CAMK4: variants seen among roughly 807,000 people sequenced by gnomAD.
CAMK4 encodes calcium/calmodulin dependent protein kinase IV, also known as calcium/calmodulin-dependent protein kinase type IV.
In CAMK4, 22 loss-of-function variants were observed where a neutral mutation model predicts 44.9. The observed-to-expected ratio is 0.49, with a 90% CI of 0.35 to 0.70. The LOEUF (loss-of-function observed/expected upper bound fraction) is 0.70. Ranked by LOEUF, CAMK4 falls within the 30% of genes least tolerant of loss-of-function variation. The pLI is 0.01. For missense variants in CAMK4, 498 were observed against 586.8 expected (o/e 0.85, Z 1.56); for synonymous variants, 218 against 215.4 (o/e 1.01, Z -0.11).
chr5:111,420,348 A>G (rs1234904131), intron 5 of CAMK4, among the ~76,000 whole-genome samples: 4 of 152,144 alleles, frequency 2.6e-5, no homozygotes, highest in East Asian at 1.9e-4. Flanking sequence ...GGGTGAGACA[A>G]TGGGGTTTTC....
chr5:111,352,807 C>A (rs1277152915), intron 2 of CAMK4, among the ~76,000 whole-genome samples: 2 of 152,068 alleles, frequency 1.3e-5, no homozygotes, highest in African/African-American at 4.8e-5. Flanking sequence ...AAACACCTCC[C>A]TTTAGGCCCC....
At chr5:111,313,365 T>A (rs905030595) in intron 1 of CAMK4, among the ~76,000 whole-genome samples, 3 of 152,156 alleles carry the variant, frequency 2.0e-5, no homozygotes, top group African/African-American at 7.2e-5. Flanking sequence ...TTTCCCTCTA[T>A]TGAACGGTCT....
intron 2 of CAMK4, among the ~76,000 whole-genome samples, chr5:111,355,150 A>C (rs762591906): frequency 3.9e-5 from 6 of 152,094 alleles, no homozygotes; most frequent in Non-Finnish European, 8.8e-5. Context: ...CTCAGAACAC[A>C]TTAAGGAAAG....
At chr5:111,476,348 C>T (rs1267639860) in intron 8 of CAMK4, among the ~76,000 whole-genome samples, 7 of 151,712 alleles carry the variant, frequency 4.6e-5, no homozygotes, top group South Asian at 2.1e-4. Flanking sequence ...GGCGTGATCT[C>T]GGCTCACTGC....
chr5:111,308,318 A>G (rs571777189), intron 1 of CAMK4, among the ~76,000 whole-genome samples: 50 of 152,340 alleles, frequency 3.3e-4, no homozygotes, highest in African/African-American at 1.2e-3. Flanking sequence ...ATTAACTAAT[A>G]AAATATGAGC....
chr5:111,407,362 G>T (rs371296138), intron 5 of CAMK4, among the ~76,000 whole-genome samples: 2 of 133,218 alleles, frequency 1.5e-5, no homozygotes, highest in Non-Finnish European at 3.2e-5. Context: ...AAAAAAAAAA[G>T]AAAAGAAAAA....
intron 5 of CAMK4, among the ~76,000 whole-genome samples, chr5:111,395,404 G>A (rs1380466933): frequency 6.7e-6 from 1 of 148,720 alleles, no homozygotes; most frequent in Non-Finnish European, 1.5e-5. Context: ...GCCTTTATTT[G>A]TTCTTTAACT....
At chr5:111,328,421 G>C (rs1748998886) in intron 1 of CAMK4, among the ~76,000 whole-genome samples, 1 of 152,088 alleles carries the variant, frequency 6.6e-6, no homozygotes, top group South Asian at 2.1e-4. Flanking sequence ...TAACCTTGTA[G>C]TGTAGTTTGA....
intron 1 of CAMK4, among the ~76,000 whole-genome samples, chr5:111,330,193 T>A (rs1210200367): frequency 6.6e-6 from 1 of 151,326 alleles, no homozygotes; most frequent in Non-Finnish European, 1.5e-5. Context: ...AAGTTGTATT[T>A]ATATATATTA....
chr5:111,478,417 C>T lies in CAMK4; in HGVS notation c.738C>T (p.Gly246=), dbSNP rs748310159. The change falls in exon 9 of 11, where the codon GGC becomes GGT. Residue 246 remains glycine (G), a synonymous_variant. Transcript: ENST00000282356. ...TTGAACCATTCTATGATGAAAGAGG[C>T]GATCAGTTCATGTTCAGGAGAATTC... is the stretch of plus-strand genomic sequence containing the variant. ...CGFEPFYDER[G]DQFMFRRILN... 29 of 1,571,636 alleles carry T rather than the reference C, an allele frequency of 1.8e-5. No individual in the cohort carries two copies. Among genetic ancestry groups the T allele is most frequent in the Middle Eastern group, 1.7e-4 (1 of 5,976 alleles).
chr5:111,260,348 AT>A (rs1284170428), intron 1 of CAMK4, among the ~76,000 whole-genome samples: 1 of 152,162 alleles, frequency 6.6e-6, no homozygotes, highest in East Asian at 1.9e-4. Context: ...ACCTTCTGAA[AT>A]TCATTCCTTT....
chr5:111,417,752 G>A (rs534746313), intron 5 of CAMK4, among the ~76,000 whole-genome samples: 8 of 152,232 alleles, frequency 5.3e-5, no homozygotes, highest in African/African-American at 1.7e-4. Context: ...TAAGATCTCC[G>A]TGACAAATGC....
In CAMK4 at chr5:111,484,753, A is replaced by G. The variant is rs1755556458; in HGVS notation, c.*287A>G. 7.5e-6 allele frequency: 2 copies of G among 265,866 alleles called. No homozygotes were observed. Among genetic ancestry groups the G allele is most frequent in the Non-Finnish European group, 7.0e-6 (1 of 142,656 alleles). The allele number at this position is 265,866 out of a possible 1,614,324, so 16.5% of individuals were successfully genotyped here. ...ATACATTTTCAGCAACCAGTGGCAC[A>G]TATTTGAAGTGAATAGTAGCAAATT... On this transcript the variant is annotated 3_prime_UTR_variant, in exon 11 of 11. Coordinates refer to ENST00000282356, the MANE Select transcript of CAMK4 (RefSeq NM_001744.6). This position sits in a 1 kb window ranked among gnomAD's most constrained non-coding sequence, Gnocchi z 5.3.
chr5:111,369,559 G>A (rs931338057), intron 2 of CAMK4, among the ~76,000 whole-genome samples: 1 of 151,848 alleles, frequency 6.6e-6, no homozygotes, highest in African/African-American at 2.4e-5. Flanking sequence ...TCATTGTTTT[G>A]CAAATCTCTT....
rs1035083128 is a variant in CAMK4, at chr5:111,486,812, C to T, written c.*2346C>T. On this transcript the variant is annotated 3_prime_UTR_variant, in exon 11 of 11. Coordinates refer to ENST00000282356, the MANE Select transcript of CAMK4 (RefSeq NM_001744.6). ...ATTACCATTCCTCCATGTGAGTACT[C>T]GAGTTGATAATTCCCTCTATCTTTT... 6.6e-6 allele frequency: 1 copy of T among 152,012 alleles called. No individual in the cohort carries two copies. The highest frequency in any genetic ancestry group is 2.4e-5 in the African/African-American group (1 of 41,378). The allele number at this position is 152,012 out of a possible 1,614,324, so 9.4% of individuals were successfully genotyped here.
intron 1 of CAMK4, among the ~76,000 whole-genome samples, chr5:111,244,730 G>C (rs1442792380): frequency 2.6e-5 from 4 of 152,132 alleles, no homozygotes; most frequent in African/African-American, 9.6e-5. Flanking sequence ...GCATGGTGGT[G>C]CGTGCCTGTA....
intron 1 of CAMK4, among the ~76,000 whole-genome samples, chr5:111,259,830 A>G (rs1194268232): frequency 6.6e-6 from 1 of 152,200 alleles, no homozygotes. Flanking sequence ...GTGGATTTTT[A>G]TAGATCATTA....
At chr5:111,285,132 C>T (rs306106) in intron 1 of CAMK4, among the ~76,000 whole-genome samples, 60,316 of 152,054 alleles carry the variant, frequency 0.4, 12,354 homozygotes, top group Non-Finnish European at 0.45. Context: ...TCCAAGGAGT[C>T]GAAACAAATG....
chr5:111,480,650 G>A (rs1474980812), intron 9 of CAMK4, among the ~76,000 whole-genome samples: 4 of 152,088 alleles, frequency 2.6e-5, no homozygotes, highest in Non-Finnish European at 4.4e-5. Flanking sequence ...TGTCCTGGAA[G>A]TGTAACCTCA....
Sources: gnomAD v4.1 joint callset for allele counts (sites outside exome capture counted in the v4.1 genomes callset) on GRCh38, gnomAD v4.1.1 for gene constraint, Gnocchi (gnomAD v3.1) non-coding constraint, MANE v1.5 for transcripts, NCBI Gene and HGNC (gene_info 2026-07-23, HGNC 2026-07-21) for gene names.